Variants in EDIL3 observed in about 807,000 individuals in gnomAD.
EDIL3 encodes the protein EGF like and discoidin domains 3.
A neutral mutation model predicts 67.4 loss-of-function variants in EDIL3; 37 were observed. That is an observed-to-expected ratio of 0.55 (90% CI 0.42 to 0.72). EDIL3 has a LOEUF of 0.72. Ranked by LOEUF, EDIL3 falls within the 30% of genes least tolerant of loss-of-function variation. The pLI, the probability that EDIL3 is intolerant of heterozygous loss-of-function variation, is 0.00. For missense variants in EDIL3, 527 were observed against 586.3 expected, an observed-to-expected ratio of 0.90 and a Z score of 1.04; for synonymous variants, 195 against 196.3, an observed-to-expected ratio of 0.99 and a Z score of 0.05.
chr5:84,106,161 G>A (rs929501503), intron 6 of EDIL3, among the ~76,000 whole-genome samples: 5 of 152,008 alleles, frequency 3.3e-5, no homozygotes, highest in African/African-American at 1.2e-4. Context: ...AAAAATAGCT[G>A]GTTGATGAGA....
At chr5:84,212,768 C>T (rs1341943861) in intron 3 of EDIL3, among the ~76,000 whole-genome samples, 2 of 152,122 alleles carry the variant, frequency 1.3e-5, no homozygotes, top group Non-Finnish European at 2.9e-5. Flanking sequence ...GAAGACCGCC[C>T]TGCCTCCTAG....
Position 84,384,627 on chromosome 5 carries a change from G to A in EDIL3, c.-253C>T, listed in dbSNP as rs1237360380. 3.4e-6 allele frequency: 1 copy of A among 295,374 alleles called. No individual in the cohort carries two copies. The highest frequency in any genetic ancestry group is 5.2e-5 in the Admixed American group (1 of 19,288). 18.3% of individuals were successfully genotyped at this position (295,374 alleles called of 1,614,324 possible). On this transcript the variant is annotated 5_prime_UTR_variant, in exon 1 of 11. Transcript: ENST00000296591. Reference sequence around the variant, plus strand: ...GGGTGAGCTCCGGGGAGCCGCCGGCGGGCTCAGCCCTCCGCTGCGGGTGGG... The same window carrying A: ...GGGTGAGCTCCGGGGAGCCGCCGGCAGGCTCAGCCCTCCGCTGCGGGTGGG...
intron 9 of EDIL3, among the ~76,000 whole-genome samples, chr5:84,046,166 T>C (rs182497374): frequency 2.0e-5 from 3 of 152,318 alleles, no homozygotes; most frequent in Admixed American, 2.0e-4. Context: ...TTCATACATG[T>C]GTATGTGTGT....
chr5:84,315,916 C>A (rs1299771619), intron 1 of EDIL3, among the ~76,000 whole-genome samples: 2 of 152,208 alleles, frequency 1.3e-5, no homozygotes, highest in African/African-American at 2.4e-5. Flanking sequence ...GATCTCTCAA[C>A]AGAAACTCTA....
At chr5:84,209,634 T>TA (rs1744072359) in intron 3 of EDIL3, among the ~76,000 whole-genome samples, 1 of 102,442 alleles carries the variant, frequency 9.8e-6, no homozygotes, top group African/African-American at 3.5e-5. Flanking sequence ...ACTAAACTTA[T>TA]TAAAAAAAAA....
intron 6 of EDIL3, among the ~76,000 whole-genome samples, chr5:84,068,449 T>C (rs1328424422): frequency 1.3e-5 from 2 of 152,180 alleles, no homozygotes; most frequent in Non-Finnish European, 2.9e-5. Flanking sequence ...GCTAGAGTTT[T>C]GGCTCATAAG....
chr5:84,159,395 G>C (rs1461756426), intron 4 of EDIL3, among the ~76,000 whole-genome samples: 1 of 151,944 alleles, frequency 6.6e-6, no homozygotes, highest in Non-Finnish European at 1.5e-5. Context: ...AAATTAGCTA[G>C]AATCAGAAAA....
intron 5 of EDIL3, among the ~76,000 whole-genome samples, chr5:84,130,364 T>G (rs1235126200): frequency 6.6e-6 from 1 of 152,178 alleles, no homozygotes; most frequent in East Asian, 1.9e-4. Context: ...ATGAGTTTAT[T>G]CATGTATGTT....
chr5:84,327,989 T>G (rs1310557092), intron 1 of EDIL3, among the ~76,000 whole-genome samples: 2 of 152,018 alleles, frequency 1.3e-5, no homozygotes, highest in African/African-American at 4.8e-5. Flanking sequence ...TTTTGTTAAG[T>G]GAATAAATAA....
intron 4 of EDIL3, among the ~76,000 whole-genome samples, chr5:84,157,489 A>ATATG (rs1294065234): frequency 1.5e-4 from 23 of 152,182 alleles, no homozygotes; most frequent in African/African-American, 5.1e-4. Flanking sequence ...TCAATTAAAA[A>ATATG]TATGTATGTA....
chr5:84,348,233 T>G lies in EDIL3; in HGVS notation c.67+36075A>C, dbSNP rs144122440. Among the ~76,000 whole-genome samples, 6 of 152,250 alleles carry G rather than the reference T, an allele frequency of 3.9e-5. No homozygotes were observed. In the East Asian group the frequency reaches 1.2e-3, roughly 29 times the overall value. On this transcript the variant is annotated intron_variant, in intron 1 of 10. Coordinates refer to ENST00000296591, the MANE Select transcript of EDIL3 (RefSeq NM_005711.5). ...GAAGCTAGAGTATTTATACAGCAAGTCCCTGCAGTCATTGCTTGAGGGCTG... is the reference window on the plus strand; with the variant it reads ...GAAGCTAGAGTATTTATACAGCAAGGCCCTGCAGTCATTGCTTGAGGGCTG...
chr5:84,215,150 A>C (rs1307602319), intron 3 of EDIL3, among the ~76,000 whole-genome samples: 2 of 152,236 alleles, frequency 1.3e-5, no homozygotes, highest in East Asian at 1.9e-4. Flanking sequence ...TTGTTCTAGA[A>C]GGAGGGGATT....
intron 1 of EDIL3, among the ~76,000 whole-genome samples, chr5:84,287,282 T>A (rs1048750496): frequency 6.6e-6 from 1 of 152,200 alleles, no homozygotes; most frequent in Non-Finnish European, 1.5e-5. Flanking sequence ...TATTTTTGGA[T>A]GTAATAAGAA....
chr5:84,102,663 T>C (rs1747389190), intron 6 of EDIL3, among the ~76,000 whole-genome samples: 1 of 150,256 alleles, frequency 6.7e-6, no homozygotes. Flanking sequence ...GAATACAGCT[T>C]ATCAGGGAAA....
chr5:83,954,503 C>T (rs1467076681), intron 10 of EDIL3, among the ~76,000 whole-genome samples: 1 of 151,496 alleles, frequency 6.6e-6, no homozygotes, highest in African/African-American at 2.4e-5. Flanking sequence ...TCTCTTGCTC[C>T]CTCTCTTGCC....
intron 1 of EDIL3, among the ~76,000 whole-genome samples, chr5:84,309,615 T>C (rs558506542): frequency 5.3e-5 from 8 of 151,984 alleles, no homozygotes; most frequent in Non-Finnish European, 1.2e-4. Flanking sequence ...GTCCTTGCGA[T>C]AGTTTACTGA....
chr5:84,369,361 A>G (rs933082525), intron 1 of EDIL3, among the ~76,000 whole-genome samples: 9 of 152,060 alleles, frequency 5.9e-5, no homozygotes, highest in Non-Finnish European at 1.2e-4. Context: ...AACACAACAT[A>G]CACATACATA....
At chr5:84,262,165 T>C (rs534654454) in intron 1 of EDIL3, among the ~76,000 whole-genome samples, 3 of 152,336 alleles carry the variant, frequency 2.0e-5, no homozygotes, top group East Asian at 3.9e-4. Flanking sequence ...TCTCAGACTT[T>C]ACTGCATATT....
intron 4 of EDIL3, among the ~76,000 whole-genome samples, chr5:84,141,906 C>CATATATATATATATATATATACATATAT (rs1178660927): frequency 3.1e-5 from 3 of 96,858 alleles, no homozygotes; most frequent in African/African-American, 1.1e-4. Context: ...ACAAACTACT[C>CATATATATATATATATATATACATATAT]ATATATATAT....
Sources: allele counts gnomAD v4.1 joint callset (sites outside exome capture counted in the v4.1 genomes callset), GRCh38; gene constraint gnomAD v4.1.1; transcripts MANE v1.5; gene names NCBI Gene and HGNC (gene_info 2026-07-23, HGNC 2026-07-21).